Variants in SUPT3H observed in about 807,000 individuals in gnomAD.
SUPT3H encodes SPT3 homolog, SAGA and STAGA complex component.
SUPT3H carries 44 observed loss-of-function variants against 44.3 expected under a neutral mutation model. The ratio of observed to expected loss-of-function variants is 0.99; its 90% CI spans 0.78 to 1.28. The LOEUF (loss-of-function observed/expected upper bound fraction) is 1.28, where lower values mean the gene tolerates loss of function less well. SUPT3H is among the 50% of genes most tolerant of loss of function. SUPT3H has a pLI of 0.00. For synonymous variants in SUPT3H, 124 were observed against 125.6 expected (o/e 0.99, Z 0.09); for missense variants, 380 against 387.1 (o/e 0.98, Z 0.15).
intron 2 of SUPT3H, among the ~76,000 whole-genome samples, chr6:45,338,803 G>T (rs1450823488): frequency 1.3e-5 from 2 of 152,010 alleles, no homozygotes; most frequent in Non-Finnish European, 2.9e-5. Flanking sequence ...CTCTGGATGA[G>T]ACAAGGGAGG....
chr6:44,818,845 G>A (rs1175230298), intron 11 of SUPT3H, among the ~76,000 whole-genome samples: 1 of 152,162 alleles, frequency 6.6e-6, no homozygotes, highest in African/African-American at 2.4e-5. Flanking sequence ...AAGATATGGA[G>A]AAACTAGAAA....
chr6:45,261,576 C>T (rs897694667), intron 2 of SUPT3H, among the ~76,000 whole-genome samples: 11 of 152,136 alleles, frequency 7.2e-5, no homozygotes, highest in African/African-American at 1.9e-4. Context: ...AAGGAACATA[C>T]CTCAAATAGT....
At chr6:45,179,020 G>C (rs1196013254) in intron 2 of SUPT3H, among the ~76,000 whole-genome samples, 1 of 151,996 alleles carries the variant, frequency 6.6e-6, no homozygotes, top group African/African-American at 2.4e-5. Context: ...GAATCAAATA[G>C]ACGCAATAAA....
At position 45,022,415 on chromosome 6, in the gene SUPT3H, GTTT is replaced by G. The variant is rs3053670; in HGVS notation, c.187-1786_187-1784del. On this transcript the variant is annotated intron_variant, in intron 3 of 10. Coordinates refer to ENST00000371459, the MANE Select transcript of SUPT3H (RefSeq NM_003599.4). ...GAAGAGTTGAACATTTGGAATCACT[GTTT>G]TTTTTTTTTTTTTTTATTTTCAGAA... Among the ~76,000 whole-genome samples the G allele has an allele frequency of 2.9e-3, 413 of 141,500 alleles. 2 individuals carry two copies. The highest frequency in any genetic ancestry group is 8.7e-3 in the South Asian group (39 of 4,486). 92.8% of individuals were successfully genotyped at this position (141,500 alleles called of 152,430 possible). A position where few individuals can be genotyped will look rare whatever the true frequency, so the allele number is the denominator to read the frequency against.
chr6:45,014,013 T>C (rs1007858342), intron 5 of SUPT3H, among the ~76,000 whole-genome samples: 1 of 152,084 alleles, frequency 6.6e-6, no homozygotes, highest in African/African-American at 2.4e-5. Context: ...CTTTAAATGA[T>C]TATTTCAAAA....
At chr6:45,090,806 T>C (rs1797033684) in intron 3 of SUPT3H, among the ~76,000 whole-genome samples, 1 of 151,898 alleles carries the variant, frequency 6.6e-6, no homozygotes, top group African/African-American at 2.4e-5. Context: ...AAAAAATTAT[T>C]ATTCTTTTAA....
Position 45,371,318 on chromosome 6 carries a change from T to C in SUPT3H, c.1-6017A>G, listed in dbSNP as rs534562321. The stretch of plus-strand genomic sequence containing the variant: ...TTATGTGACCAAAAAGAAAAAGGAC[T>C]GGGGGATTTACTGTAGGCATGTAAA... On this transcript the variant is annotated intron_variant, in intron 1 of 10. Coordinates refer to ENST00000371459, the MANE Select transcript of SUPT3H (RefSeq NM_003599.4). Among the ~76,000 whole-genome samples the C allele has an allele frequency of 5.9e-5, 9 of 152,010 alleles. No individual in the cohort carries two copies. In the South Asian group the frequency reaches 1.7e-3, roughly 28 times the overall value.
chr6:45,176,978 G>C (rs920535983), intron 2 of SUPT3H, among the ~76,000 whole-genome samples: 1 of 152,146 alleles, frequency 6.6e-6, no homozygotes, highest in African/African-American at 2.4e-5. Flanking sequence ...AAAAAACAGA[G>C]CAGAAAAACT....
chr6:44,954,142 T>C (rs1370039057), intron 8 of SUPT3H, among the ~76,000 whole-genome samples: 1 of 152,202 alleles, frequency 6.6e-6, no homozygotes, highest in Non-Finnish European at 1.5e-5. Flanking sequence ...ACCCAGAATT[T>C]GGTAAGTACT....
intron 3 of SUPT3H, among the ~76,000 whole-genome samples, chr6:45,057,277 C>T (rs1433509553): frequency 6.6e-6 from 1 of 151,800 alleles, no homozygotes; most frequent in Non-Finnish European, 1.5e-5. Context: ...ATAATGGTAC[C>T]ATATTTTATA....
At chr6:44,909,180 C>T (rs1766622416) in intron 10 of SUPT3H, among the ~76,000 whole-genome samples, 2 of 149,070 alleles carry the variant, frequency 1.3e-5, no homozygotes, top group Non-Finnish European at 3.0e-5. Context: ...TGGTTACTAA[C>T]ATATTTTGGG....
intron 2 of SUPT3H, among the ~76,000 whole-genome samples, chr6:45,222,163 TA>T (rs1377089745): frequency 6.7e-6 from 1 of 150,086 alleles, no homozygotes; most frequent in African/African-American, 2.4e-5. Flanking sequence ...ACATAAAACT[TA>T]AAAAAAAAGT....
intron 2 of SUPT3H, among the ~76,000 whole-genome samples, chr6:45,316,929 T>A (rs1784782234): frequency 6.6e-6 from 1 of 152,090 alleles, no homozygotes; most frequent in African/African-American, 2.4e-5. Context: ...GAAAGAATAT[T>A]GTTAAGGCCA....
chr6:44,885,687 G>A (rs2153437261), intron 10 of SUPT3H, among the ~76,000 whole-genome samples: 1 of 152,256 alleles, frequency 6.6e-6, no homozygotes, highest in South Asian at 2.1e-4. Flanking sequence ...AGAAAAACTG[G>A]AAAGTCTAAA....
intron 10 of SUPT3H, 57 bp from the exon 11 acceptor site, chr6:44,829,914 GA>G: frequency 6.5e-7 from 1 of 1,541,860 alleles, no homozygotes; most frequent in Non-Finnish European, 9.0e-7. Flanking sequence ...ACAAGGAAAG[GA>G]GGCAAAAAGC....
intron 3 of SUPT3H, among the ~76,000 whole-genome samples, chr6:45,052,194 G>A (rs867777003): frequency 6.6e-6 from 1 of 152,064 alleles, no homozygotes; most frequent in Admixed American, 6.6e-5. Context: ...TAGAAGATTC[G>A]GAATATATTT....
chr6:45,067,719 T>C (rs528962513), intron 3 of SUPT3H, among the ~76,000 whole-genome samples: 2,232 of 146,402 alleles, frequency 0.015, 56 homozygotes, highest in African/African-American at 0.054. Flanking sequence ...AAAATGCTCA[T>C]CATCACTGGC....
chr6:45,065,872 A>G (rs2153547070), intron 3 of SUPT3H, among the ~76,000 whole-genome samples: 1 of 145,360 alleles, frequency 6.9e-6, no homozygotes. Context: ...GCCGAATTCT[A>G]CCAGAGGTAC....
At chr6:45,169,788 A>T (rs1583983167) in intron 2 of SUPT3H, among the ~76,000 whole-genome samples, 1 of 152,304 alleles carries the variant, frequency 6.6e-6, no homozygotes, top group East Asian at 1.9e-4. Context: ...TATGTTTAAA[A>T]TCTCTAAGAT....
Sources: gnomAD v4.1 joint callset for allele counts (sites outside exome capture counted in the v4.1 genomes callset) on GRCh38, gnomAD v4.1.1 for gene constraint, MANE v1.5 for transcripts, NCBI Gene and HGNC (gene_info 2026-07-23, HGNC 2026-07-21) for gene names.